LRRC41: variants seen among roughly 807,000 people sequenced by gnomAD.
LRRC41 encodes leucine-rich repeat-containing protein 41.
A neutral mutation model predicts 72.1 loss-of-function variants in LRRC41; 17 were observed. The observed-to-expected ratio is 0.24, with a 90% CI of 0.16 to 0.35. LRRC41 has a LOEUF of 0.35. LRRC41 is among the 10% of genes least tolerant of loss of function. LRRC41 has a pLI of 1.00. For synonymous variants in LRRC41, 427 were observed against 431.0 expected (o/e 0.99, Z 0.11); for missense variants, 759 against 1,065.0 (o/e 0.71, Z 4.00).
chr1:46,283,653 C>T (rs760236036), intron 4 of LRRC41, among the ~76,000 whole-genome samples: 16 of 151,578 alleles, frequency 1.1e-4, no homozygotes, highest in Middle Eastern at 3.4e-3. Flanking sequence ...GTCCAAGAAG[C>T]GTGCATAAAG....
In LRRC41 at chr1:46,302,042, G is replaced by A. The variant is rs1661243039; in HGVS notation, c.199+1082C>T. The A allele has an allele frequency of 1.0e-6, 1 of 985,210 alleles. No homozygotes were observed. The highest frequency in any genetic ancestry group is 1.7e-5 in the African/African-American group (1 of 57,224). 61.0% of individuals were successfully genotyped at this position (985,210 alleles called of 1,614,324 possible). On this transcript the variant is annotated intron_variant, in intron 1 of 9. Transcript: ENST00000617190. This position sits in a 1 kb window ranked among gnomAD's most constrained non-coding sequence, Gnocchi z 4.7. ...TTTCCCTCGTCAGCGGCCAGGCCGC[G>A]GCCAGCGGTCCCCAACCCACAGCCC...
rs1208511027 is a variant in LRRC41, at chr1:46,302,627, T to C, written c.199+497A>G. 1.0e-6 allele frequency: 1 copy of C among 985,060 alleles called. No homozygotes were observed. Among genetic ancestry groups the C allele is most frequent in the Non-Finnish European group, 1.2e-6 (1 of 829,868 alleles). 61.0% of individuals were successfully genotyped at this position (985,060 alleles called of 1,614,324 possible). On this transcript the variant is annotated intron_variant, in intron 1 of 9. Transcript: ENST00000617190. The surrounding 1 kb of genome is among the most constrained non-coding windows in gnomAD (Gnocchi z 4.7). ...TTGGCCTCCGGAATCTCGACCCCCGTGGCGTGTCAGGCAGATGCTGGAGCC... is the reference window on the plus strand; with the variant it reads ...TTGGCCTCCGGAATCTCGACCCCCGCGGCGTGTCAGGCAGATGCTGGAGCC...
At position 46,295,119 on chromosome 1, in the gene LRRC41, G is replaced by C. The variant is rs1369956124; in HGVS notation, c.357+2444C>G. Reference sequence around the variant, plus strand: ...CTGTTGCCCAGGCTGGAGTACAGTGGTGCGATCTTGGCTCACTGCAGCCTC... The same window carrying C: ...CTGTTGCCCAGGCTGGAGTACAGTGCTGCGATCTTGGCTCACTGCAGCCTC... On this transcript the variant is annotated intron_variant, in intron 3 of 9. Coordinates refer to ENST00000617190, the MANE Select transcript of LRRC41 (RefSeq NM_006369.5). 2.0e-5 allele frequency among the ~76,000 whole-genome samples: 3 copies of C among 151,904 alleles called. No homozygotes were observed. In the South Asian group the frequency reaches 6.2e-4, roughly 32 times the overall value.
intron 3 of LRRC41, among the ~76,000 whole-genome samples, chr1:46,288,322 G>A (rs1660926526): frequency 6.6e-6 from 1 of 152,140 alleles, no homozygotes; most frequent in Admixed American, 6.5e-5. Context: ...ACTATACTCT[G>A]GACTTCTCTG....
rs928531169 is a variant in LRRC41, at chr1:46,279,145, T to C, written c.2219+37A>G. The C allele has an allele frequency of 1.2e-5, 19 of 1,612,690 alleles. No homozygotes were observed. Among genetic ancestry groups the C allele is most frequent in the Non-Finnish European group, 1.5e-5 (18 of 1,178,870 alleles). On this transcript the variant is annotated intron_variant, in intron 9 of 9. Coordinates refer to ENST00000617190, the MANE Select transcript of LRRC41 (RefSeq NM_006369.5). The surrounding 1 kb of genome is among the most constrained non-coding windows in gnomAD (Gnocchi z 4.5). ...AGTGAATTCCTGGTCTATATCTCTG[T>C]AGCCCCATCCCTTGTCTTGCCCCTC...
chr1:46,285,810 A>G lies in LRRC41; in HGVS notation c.1047T>C (p.His349=), dbSNP rs1350436705. ...KRELHPPATS[H]EAPGTKRSPS... The stretch of plus-strand genomic sequence containing the variant: ...GTGACCGCTTGGTGCCAGGAGCCTC[A>G]TGGGAGGTGGCTGGGGGGTGCAGCT... Residue 349 remains histidine, a synonymous_variant, in exon 4 of 10, where the codon CAT becomes CAC. Coordinates refer to ENST00000617190, the MANE Select transcript of LRRC41 (RefSeq NM_006369.5). The surrounding 1 kb of genome is among the most constrained non-coding windows in gnomAD (Gnocchi z 5.3). 3.8e-6 allele frequency: 6 copies of G among 1,595,390 alleles called. No homozygotes were observed. The highest frequency in any genetic ancestry group is 5.1e-6 in the Non-Finnish European group (6 of 1,171,852).
In LRRC41 at chr1:46,285,984, C is replaced by T. The variant is rs745832633; in HGVS notation, c.873G>A (p.Arg291=). The T allele has an allele frequency of 1.7e-4, 266 of 1,544,064 alleles. 1 individual carries two copies. Among genetic ancestry groups the T allele is most frequent in the South Asian group, 1.5e-3 (122 of 80,402 alleles). The change falls in exon 4 of 10, where the codon CGG becomes CGA. Residue 291 remains arginine, a synonymous_variant. Transcript: ENST00000617190. The surrounding 1 kb of genome is among the most constrained non-coding windows in gnomAD (Gnocchi z 5.3). ...SLLLGSRRPR[R]DAAERCAAAL... is the part of the protein sequence containing the mutation. ...CTGCAGCACATCGCTCAGCAGCATC[C>T]CGGCGGGGCCGACGTGAGCCCAATA...
intron 4 of LRRC41, among the ~76,000 whole-genome samples, chr1:46,282,505 T>C (rs1222662504): frequency 1.3e-5 from 2 of 152,048 alleles, no homozygotes; most frequent in African/African-American, 4.8e-5. Context: ...AGCTTGATAA[T>C]GCGATGGGAA....
At chr1:46,294,149 CTA>C (rs1178292272) in intron 3 of LRRC41, among the ~76,000 whole-genome samples, 1 of 151,954 alleles carries the variant, frequency 6.6e-6, no homozygotes, top group Non-Finnish European at 1.5e-5. Context: ...AGTTCTGGCT[CTA>C]TTGCCCAGGC....
Position 46,286,317 on chromosome 1 carries a change from C to T in LRRC41, c.540G>A (p.Val180=). The part of the protein sequence containing the change: ...CNMLQGATEL[V]AEPNRRVLET... ...CCAGAACCCTGCGGTTGGGCTCAGCCACCAGCTCGGTTGCACCCTGCAGCA... is the reference window on the plus strand; with the variant it reads ...CCAGAACCCTGCGGTTGGGCTCAGCTACCAGCTCGGTTGCACCCTGCAGCA... Residue 180 remains valine, a synonymous_variant, in exon 4 of 10, where the codon GTG becomes GTA. Coordinates refer to ENST00000617190, the MANE Select transcript of LRRC41 (RefSeq NM_006369.5). The surrounding 1 kb of genome is among the most constrained non-coding windows in gnomAD (Gnocchi z 5.5). The T allele has an allele frequency of 6.2e-7, 1 of 1,614,208 alleles. No individual in the cohort carries two copies. Among genetic ancestry groups the T allele is most frequent in the Non-Finnish European group, 8.5e-7 (1 of 1,180,032 alleles).
At position 46,286,727 on chromosome 1, in the gene LRRC41, C is replaced by T. The variant is rs910725909; in HGVS notation, c.358-228G>A. Among the ~76,000 whole-genome samples, 2 of 152,226 alleles carry T rather than the reference C, an allele frequency of 1.3e-5. No individual in the cohort carries two copies. The highest frequency in any genetic ancestry group is 4.8e-5 in the African/African-American group (2 of 41,450). On this transcript the variant is annotated intron_variant, in intron 3 of 9. Coordinates refer to ENST00000617190, the MANE Select transcript of LRRC41 (RefSeq NM_006369.5). This position sits in a 1 kb window ranked among gnomAD's most constrained non-coding sequence, Gnocchi z 5.5. ...GTTGGATTATTTGAACCCTGGAAAT[C>T]TGGTTCCAGAGACCATGCTTTTATT... is the stretch of plus-strand genomic sequence containing the variant.
In LRRC41 at chr1:46,278,670, A is replaced by G; in HGVS notation, c.*195T>C. Reference sequence around the variant, plus strand: ...TGAGTAAGGGGCCCAAAGACTATAAACCCAGCTGTGAGAATGCCTGTTTGC... The same window carrying G: ...TGAGTAAGGGGCCCAAAGACTATAAGCCCAGCTGTGAGAATGCCTGTTTGC... On this transcript the variant is annotated 3_prime_UTR_variant, in exon 10 of 10. Transcript: ENST00000617190. 1 of 629,974 alleles carries G rather than the reference A, an allele frequency of 1.6e-6. No homozygotes were observed. Among genetic ancestry groups the G allele is most frequent in the Non-Finnish European group, 2.8e-6 (1 of 362,848 alleles). The allele number at this position is 629,974 out of a possible 1,614,324, so 39.0% of individuals were successfully genotyped here. A position where few individuals can be genotyped will look rare whatever the true frequency, so the allele number is the denominator to read the frequency against.
chr1:46,278,309 T>G lies in LRRC41; in HGVS notation c.*556A>C. On this transcript the variant is annotated 3_prime_UTR_variant, in exon 10 of 10. Transcript: ENST00000617190. ...AACCAGCTGGTCTGGGTGTAGCTCT[T>G]AGAGGAAGGAGATAGGGAAAAGGGG... is the stretch of plus-strand genomic sequence containing the variant. 6.3e-7 allele frequency: 1 copy of G among 1,590,104 alleles called. No individual in the cohort carries two copies. The highest frequency in any genetic ancestry group is 8.6e-7 in the Non-Finnish European group (1 of 1,167,194).
chr1:46,295,460 C>G (rs1661103690), intron 3 of LRRC41, among the ~76,000 whole-genome samples: 1 of 152,202 alleles, frequency 6.6e-6, no homozygotes, highest in Non-Finnish European at 1.5e-5. Context: ...TCCCTGGAAC[C>G]TAGCATAATG....
At chr1:46,295,144 C>G (rs754994758) in intron 3 of LRRC41, among the ~76,000 whole-genome samples, 1 of 152,090 alleles carries the variant, frequency 6.6e-6, no homozygotes, top group African/African-American at 2.4e-5. Flanking sequence ...ACTGCAGCCT[C>G]GACTTCCCAG....
At chr1:46,293,010 C>T (rs1458584336) in intron 3 of LRRC41, among the ~76,000 whole-genome samples, 1 of 152,014 alleles carries the variant, frequency 6.6e-6, no homozygotes, top group African/African-American at 2.4e-5. Context: ...ATGGTGAAAC[C>T]TCATCTCTAC....
In LRRC41 at chr1:46,303,196, G is replaced by A; in HGVS notation, c.127C>T (p.Pro43Ser). The A allele has an allele frequency of 6.4e-7, 1 of 1,573,062 alleles. No individual in the cohort carries two copies. Among genetic ancestry groups the A allele is most frequent in the Non-Finnish European group, 8.6e-7 (1 of 1,164,282 alleles). The change falls in exon 1 of 10, where the codon CCC (proline) becomes TCC (serine). Residue 43 changes from proline to serine, a missense_variant. This residue lies in a region of LRRC41 where 106 missense variants were observed against 66.1 expected (regional missense o/e 1.60). Coordinates refer to ENST00000617190, the MANE Select transcript of LRRC41 (RefSeq NM_006369.5). ...CCGCACAGCTCGAACAGGGCGGGGGGAGCGTTGGGGCCCGAGGCCGAGCTC... is the reference window on the plus strand; with the variant it reads ...CCGCACAGCTCGAACAGGGCGGGGGAAGCGTTGGGGCCCGAGGCCGAGCTC... ...AKSSASGPNA[P>S]PALFELCGRA... is the part of the protein sequence containing the mutation.
At position 46,278,756 on chromosome 1, in the gene LRRC41, G is replaced by A; in HGVS notation, c.*109C>T. On this transcript the variant is annotated 3_prime_UTR_variant, in exon 10 of 10. Coordinates refer to ENST00000617190, the MANE Select transcript of LRRC41 (RefSeq NM_006369.5). ...GGGAAGAAGGAAAAAAGAGAAAAAA[G>A]GTGACAGAAAGAGAAAGATAGAACT... 1.8e-6 allele frequency: 2 copies of A among 1,111,084 alleles called. No individual in the cohort carries two copies. The highest frequency in any genetic ancestry group is 1.3e-6 in the Non-Finnish European group (1 of 764,764). The allele number at this position is 1,111,084 out of a possible 1,614,324, so 68.8% of individuals were successfully genotyped here.
At position 46,278,356 on chromosome 1, in the gene LRRC41, G is replaced by A. The variant is rs889399903; in HGVS notation, c.*509C>T. 10 of 1,456,310 alleles carry A rather than the reference G, an allele frequency of 6.9e-6. No homozygotes were observed. In the African/African-American group the frequency reaches 1.3e-4, roughly 18 times the overall value. The allele number at this position is 1,456,310 out of a possible 1,614,324, so 90.2% of individuals were successfully genotyped here. ...GGGGCTCCTTGCTCCACAGGGCCCT[G>A]TTGAATTTTGTTCTCTGGGAGAAAA... On this transcript the variant is annotated 3_prime_UTR_variant, in exon 10 of 10. Transcript: ENST00000617190.
Sources: gnomAD v4.1 joint callset for allele counts (sites outside exome capture counted in the v4.1 genomes callset) on GRCh38, gnomAD v4.1.1 for gene constraint, gnomAD v4.1.1 regional missense constraint, Gnocchi (gnomAD v3.1) non-coding constraint, MANE v1.5 for transcripts, NCBI Gene and HGNC (gene_info 2026-07-23, HGNC 2026-07-21) for gene names.